FGF12: variants seen among roughly 807,000 people sequenced by gnomAD.
The protein encoded by FGF12 is fibroblast growth factor 12B.
Under a neutral mutation model 23.6 loss-of-function variants are expected in FGF12, and 14 were observed. The observed-to-expected ratio is 0.59, with a 90% confidence interval of 0.39 to 0.93. The LOEUF is 0.93. Among genes scored for constraint, FGF12 ranks in the 40% least tolerant of loss-of-function variants. The pLI is 0.00. For synonymous variants in FGF12, 62 were observed against 77.3 expected (o/e 0.80, Z 1.04); for missense variants, 175 against 217.8 (o/e 0.80, Z 1.24).
chr3:192,697,197 T>C (rs1030600291), intron 2 of FGF12, among the ~76,000 whole-genome samples: 19 of 152,150 alleles, frequency 1.2e-4, no homozygotes, highest in Admixed American at 6.5e-4. Context: ...CAAAGGTTAC[T>C]AGAGGGGCTC....
Position 192,248,650 on chromosome 3 carries a change from C to T in FGF12, c.229-77994G>A, listed in dbSNP as rs147213836. 1.6e-3 allele frequency among the ~76,000 whole-genome samples: 251 copies of T among 152,226 alleles called. 2 individuals carry two copies. The highest frequency in any genetic ancestry group is 3.4e-3 in the Middle Eastern group (1 of 294). ...AAAATTAGCCAGGTGTGATGGTACA[C>T]GCCTGTGGTCCCAGCTACTCATGAG... is the stretch of plus-strand genomic sequence containing the variant. On this transcript the variant is annotated intron_variant, in intron 4 of 5. Transcript: ENST00000445105.
chr3:192,653,726 T>TC lies in FGF12; in HGVS notation c.13+73454_13+73455insG, dbSNP rs200520456. On this transcript the variant is annotated intron_variant, in intron 2 of 5. Coordinates refer to ENST00000445105, the MANE Select transcript of FGF12 (RefSeq NM_004113.6). ...ATATATTCCTCATTTGAGGCTTTTT[T>TC]TTTTTTGAGACGGAATCATGCTCTA... Among the ~76,000 whole-genome samples, 1,299 of 151,718 alleles carry TC rather than the reference T, an allele frequency of 8.6e-3. 27 individuals carry two copies. Among genetic ancestry groups the TC allele is most frequent in the African/African-American group, 0.03 (1,226 of 41,386 alleles).
intron 4 of FGF12, among the ~76,000 whole-genome samples, chr3:192,304,742 T>A (rs764823908): frequency 3.3e-5 from 5 of 152,182 alleles, no homozygotes; most frequent in Non-Finnish European, 5.9e-5. Flanking sequence ...TGACAAGAAC[T>A]ACAGTTTTAA....
intron 2 of FGF12, among the ~76,000 whole-genome samples, chr3:192,498,362 C>T (rs1238276525): frequency 1.3e-5 from 2 of 152,206 alleles, no homozygotes; most frequent in Admixed American, 6.5e-5. Flanking sequence ...CTTAAGTGAG[C>T]TTTTACTATT....
chr3:192,633,304 C>T (rs949711640), intron 2 of FGF12, among the ~76,000 whole-genome samples: 2 of 152,074 alleles, frequency 1.3e-5, no homozygotes, highest in African/African-American at 4.8e-5. Flanking sequence ...CCTCTGCCTC[C>T]CAAAGTGTTG....
intron 2 of FGF12, among the ~76,000 whole-genome samples, chr3:192,580,394 T>C (rs1019086323): frequency 1.3e-5 from 2 of 152,074 alleles, no homozygotes; most frequent in Admixed American, 1.3e-4. Context: ...AAGCTCTCCC[T>C]GAAATCCAAC....
intron 4 of FGF12, among the ~76,000 whole-genome samples, chr3:192,334,139 G>A (rs535209957): frequency 6.6e-6 from 1 of 152,012 alleles, no homozygotes; most frequent in Non-Finnish European, 1.5e-5. Flanking sequence ...TGGCAGGTCC[G>A]AGCTTAGGCA....
At chr3:192,682,444 G>A (rs1295154408) in intron 2 of FGF12, among the ~76,000 whole-genome samples, 1 of 152,186 alleles carries the variant, frequency 6.6e-6, no homozygotes, top group Admixed American at 6.5e-5. Flanking sequence ...TAGCTTGGGA[G>A]ATTCTCTTCA....
At chr3:192,207,373 A>G (rs1265637586) in intron 4 of FGF12, among the ~76,000 whole-genome samples, 2 of 152,212 alleles carry the variant, frequency 1.3e-5, no homozygotes, top group Admixed American at 6.5e-5. Context: ...GCAGATTGCT[A>G]TGACAATAAA....
chr3:192,688,640 T>C (rs1717843433), intron 2 of FGF12, among the ~76,000 whole-genome samples: 2 of 152,160 alleles, frequency 1.3e-5, no homozygotes, highest in African/African-American at 4.8e-5. Context: ...GAATTCAAAA[T>C]AATTCTCTAA....
chr3:192,608,043 C>T (rs1409131980), intron 2 of FGF12, among the ~76,000 whole-genome samples: 1 of 151,948 alleles, frequency 6.6e-6, no homozygotes, highest in Non-Finnish European at 1.5e-5. Context: ...AAGCCAGGCA[C>T]AGAAAGACAA....
chr3:192,340,250 T>C (rs1717627472), intron 3 of FGF12, among the ~76,000 whole-genome samples: 1 of 152,028 alleles, frequency 6.6e-6, no homozygotes, highest in East Asian at 1.9e-4. Context: ...TATTCCTGGA[T>C]CCAGACTATA....
chr3:192,516,002 T>C (rs565635787), intron 2 of FGF12, among the ~76,000 whole-genome samples: 49 of 152,224 alleles, frequency 3.2e-4, no homozygotes, highest in African/African-American at 1.2e-3. Context: ...GCACAGACAC[T>C]AGAGACAAGC....
rs1057488516 is a variant in FGF12, at chr3:192,637,319, C to T, written c.13+89862G>A. 2.6e-5 allele frequency among the ~76,000 whole-genome samples: 4 copies of T among 152,276 alleles called. No individual in the cohort carries two copies. The East Asian group carries it at 7.7e-4, about 29-fold the overall frequency. On this transcript the variant is annotated intron_variant, in intron 2 of 5. Transcript: ENST00000445105. ...TCTTTCAGTGCTTTCACTCATATTT[C>T]CTTTCAGCTTAAATTATGACCATAA...
chr3:192,360,434 C>G lies in FGF12; in HGVS notation c.118G>C (p.Asp40His), dbSNP rs780266108. Residue 40 changes from aspartate to histidine, a missense_variant, in exon 3 of 6, where the codon GAC becomes CAC. Transcript: ENST00000445105. This position sits in a 1 kb window ranked among gnomAD's most constrained non-coding sequence, Gnocchi z 4.3. ...AGAAGCTAATGTTTCTTACTGTAGT[C>G]GCTGTTTTCGTCCTTGGTCCCATCA... is the stretch of plus-strand genomic sequence containing the variant. The part of the protein sequence containing the change: ...TIDGTKDENS[D>H]YTLFNLIPVG... 18 of 1,602,610 alleles carry G rather than the reference C, an allele frequency of 1.1e-5. No homozygotes were observed. In the South Asian group the frequency reaches 1.9e-4, roughly 17 times the overall value.
intron 2 of FGF12, among the ~76,000 whole-genome samples, chr3:192,507,646 C>T (rs1052180790): frequency 3.9e-5 from 6 of 152,232 alleles, no homozygotes; most frequent in Admixed American, 6.5e-5. Flanking sequence ...TTTTCACTCT[C>T]CTTTTCACCA....
chr3:192,214,003 CTG>C (rs1231664888), intron 4 of FGF12, among the ~76,000 whole-genome samples: 2 of 152,100 alleles, frequency 1.3e-5, no homozygotes, highest in Non-Finnish European at 2.9e-5. Context: ...TTTTAAAAAA[CTG>C]TTACTTTTCT....
At chr3:192,620,708 A>G (rs1405563603) in intron 2 of FGF12, among the ~76,000 whole-genome samples, 3 of 152,102 alleles carry the variant, frequency 2.0e-5, no homozygotes, top group Non-Finnish European at 4.4e-5. Flanking sequence ...GTCCAGATAT[A>G]TTCTTAAGAT....
chr3:192,153,128 G>T (rs1338739549), intron 5 of FGF12, among the ~76,000 whole-genome samples: 4 of 37,374 alleles, frequency 1.1e-4, no homozygotes, highest in Non-Finnish European at 2.4e-4. Context: ...CAGAGACTAG[G>T]ATTGCAACCC....
Sources: gnomAD v4.1 joint callset for allele counts (sites outside exome capture counted in the v4.1 genomes callset) on GRCh38, gnomAD v4.1.1 for gene constraint, Gnocchi (gnomAD v3.1) non-coding constraint, MANE v1.5 for transcripts, NCBI Gene and HGNC (gene_info 2026-07-23, HGNC 2026-07-21) for gene names.